LRRC75A: variants seen among roughly 807,000 people sequenced by gnomAD.
LRRC75A encodes leucine rich repeat containing 75A.
Under a neutral mutation model 26.0 loss-of-function variants are expected in LRRC75A, and 12 were observed. The observed-to-expected ratio is 0.46, with a 90% CI of 0.30 to 0.75. The LOEUF (loss-of-function observed/expected upper bound fraction) is 0.75. LRRC75A is among the 30% of genes least tolerant of loss of function. LRRC75A has a pLI of 0.08. For missense variants in LRRC75A, 410 were observed against 486.6 expected (o/e 0.84, Z 1.48); for synonymous variants, 223 against 219.3 (o/e 1.02, Z -0.15).
intron 2 of LRRC75A, among the ~76,000 whole-genome samples, chr17:16,457,559 T>A (rs2093694904): frequency 6.6e-6 from 1 of 152,244 alleles, no homozygotes; most frequent in African/African-American, 2.4e-5. Context: ...TCCTGGCATC[T>A]GTGCCCCTGT....
chr17:16,479,406 A>G (rs535931149), intron 1 of LRRC75A, among the ~76,000 whole-genome samples: 27 of 152,334 alleles, frequency 1.8e-4, no homozygotes, highest in African/African-American at 6.3e-4. Flanking sequence ...CTGATACTCT[A>G]AACTTCTGTG....
At chr17:16,467,222 T>C (rs2143264807) in intron 1 of LRRC75A, among the ~76,000 whole-genome samples, 1 of 152,346 alleles carries the variant, frequency 6.6e-6, no homozygotes, top group African/African-American at 2.4e-5. Context: ...GGTGCGATCA[T>C]AGCTCGCTGC....
chr17:16,467,299 G>C (rs1019252303), intron 1 of LRRC75A, among the ~76,000 whole-genome samples: 1 of 152,190 alleles, frequency 6.6e-6, no homozygotes, highest in Non-Finnish European at 1.5e-5. Context: ...GACTACAAGC[G>C]TGAGGCACTG....
intron 1 of LRRC75A, among the ~76,000 whole-genome samples, chr17:16,466,227 T>C (rs550172940): frequency 6.6e-6 from 1 of 152,066 alleles, no homozygotes; most frequent in East Asian, 1.9e-4. Context: ...GGGCTGGGTG[T>C]GAGGGAGGAG....
chr17:16,461,345 A>T (rs985159552), intron 2 of LRRC75A: 2 of 152,276 alleles, frequency 1.3e-5, no homozygotes, highest in Admixed American at 1.3e-4. Context: ...CCTGACTGCC[A>T]GTGGGGAAGC....
At chr17:16,487,727 C>T (rs539550447) in intron 1 of LRRC75A, among the ~76,000 whole-genome samples, 1 of 152,326 alleles carries the variant, frequency 6.6e-6, no homozygotes, top group South Asian at 2.1e-4. Context: ...GAGCATTTCG[C>T]CTGGCCTCAG....
At position 16,480,396 on chromosome 17, in the gene LRRC75A, G is replaced by A. The variant is rs534638288; in HGVS notation, c.246+11349C>T. 3.1e-3 allele frequency among the ~76,000 whole-genome samples: 476 copies of A among 152,208 alleles called. 1 individual carries two copies. Among genetic ancestry groups the A allele is most frequent in the African/African-American group, 0.011 (447 of 41,526 alleles). On this transcript the variant is annotated intron_variant, in intron 1 of 3. Transcript: ENST00000470794. Reference sequence around the variant, plus strand: ...TGTAATCCTAGCACTTTGGGAGGCCGAGGTGGGCGGAATGCCTGAGCTCAG... The same window carrying A: ...TGTAATCCTAGCACTTTGGGAGGCCAAGGTGGGCGGAATGCCTGAGCTCAG...
chr17:16,449,611 TTTTAA>T (rs1180283162), intron 2 of LRRC75A, among the ~76,000 whole-genome samples: 8 of 152,050 alleles, frequency 5.3e-5, no homozygotes, highest in South Asian at 2.1e-4. Context: ...CTCAGCTTTA[TTTTAA>T]TTTAATTTAA....
rs1357573143 is a variant in LRRC75A at position 16,443,585 on chromosome 17, A to G, written c.*3T>C. 3 of 1,511,658 alleles carry G rather than the reference A, an allele frequency of 2.0e-6. No individual in the cohort carries two copies. Among genetic ancestry groups the G allele is most frequent in the South Asian group, 1.2e-5 (1 of 80,996 alleles). The allele number at this position is 1,511,658 out of a possible 1,614,324, so 93.6% of individuals were successfully genotyped here. A position where few individuals can be genotyped will look rare whatever the true frequency, so the allele number is the denominator to read the frequency against. On this transcript the variant is annotated 3_prime_UTR_variant, in exon 4 of 4. Transcript: ENST00000470794. ...CTCCCTGGTGAGGCCCTTCACTTCC[A>G]TGTCACGTCTGAGCTGCAGCTACAG... is the stretch of plus-strand genomic sequence containing the variant.
rs1037703523 is a variant in LRRC75A, at chr17:16,441,728, A to AT, written c.*1859dup. The stretch of plus-strand genomic sequence containing the variant: ...ACAGCTCACAGCACACCTGGCTAAA[A>AT]TTTTTTTTTTGTTGAGACGGATTCT... On this transcript the variant is annotated 3_prime_UTR_variant, in exon 4 of 4. Transcript: ENST00000470794. The AT allele has an allele frequency of 8.9e-3, 1,871 of 211,334 alleles. 1 individual carries two copies. The highest frequency in any genetic ancestry group is 0.021 in the South Asian group (370 of 17,440). The allele number at this position is 211,334 out of a possible 1,614,324, so 13.1% of individuals were successfully genotyped here.
intron 1 of LRRC75A, among the ~76,000 whole-genome samples, chr17:16,476,968 G>C (rs1401541937): frequency 1.3e-5 from 2 of 151,090 alleles, no homozygotes; most frequent in African/African-American, 2.4e-5. Context: ...TCAATCTCCT[G>C]ACCTTGTGAT....
rs1398887053 is a variant in LRRC75A at position 16,491,860 on chromosome 17, G to A, written c.131C>T (p.Ala44Val). The A allele has an allele frequency of 1.4e-6, 2 of 1,390,642 alleles. No homozygotes were observed. Among genetic ancestry groups the A allele is most frequent in the South Asian group, 1.5e-5 (1 of 66,846 alleles). 86.1% of individuals were successfully genotyped at this position (1,390,642 alleles called of 1,614,324 possible). A position where few individuals can be genotyped will look rare whatever the true frequency, so the allele number is the denominator to read the frequency against. The change falls in exon 1 of 4, where the codon GCG becomes GTG. Residue 44 changes from alanine to valine, a missense_variant. Coordinates refer to ENST00000470794, the MANE Select transcript of LRRC75A (RefSeq NM_001113567.3). This position sits in a 1 kb window ranked among gnomAD's most constrained non-coding sequence, Gnocchi z 5.9. ...LLRAGDKAGR[A>V]GAGMPPYHRR... ...GTGGTAGGGGGGCATCCCCGCGCCC[G>A]CGCGCCCCGCCTTGTCCCCGGCGCG...
intron 2 of LRRC75A, among the ~76,000 whole-genome samples, chr17:16,452,737 C>A (rs35377488): frequency 0.22 from 33,910 of 151,828 alleles, 4,055 homozygotes; most frequent in Middle Eastern, 0.31. Context: ...CCTGGCCACA[C>A]GGGGATTTTT....
intron 3 of LRRC75A, among the ~76,000 whole-genome samples, chr17:16,447,461 C>G (rs1024578552): frequency 1.3e-5 from 2 of 152,110 alleles, no homozygotes; most frequent in African/African-American, 4.8e-5. Context: ...TGCACCACCA[C>G]GCCTGGCTAA....
chr17:16,451,768 G>A (rs1299407423), intron 2 of LRRC75A, among the ~76,000 whole-genome samples: 3 of 150,238 alleles, frequency 2.0e-5, no homozygotes, highest in African/African-American at 4.9e-5. Flanking sequence ...TTTTTGAGAC[G>A]GAGTATCGCT....
Position 16,441,938 on chromosome 17 carries a change from A to T in LRRC75A, c.*1650T>A, listed in dbSNP as rs2093530217. The T allele has an allele frequency of 6.5e-6, 1 of 153,062 alleles. No homozygotes were observed. The highest frequency in any genetic ancestry group is 2.1e-4 in the South Asian group (1 of 4,868). 9.5% of individuals were successfully genotyped at this position (153,062 alleles called of 1,614,324 possible). A position where few individuals can be genotyped will look rare whatever the true frequency, so the allele number is the denominator to read the frequency against. ...GGTGGGCAAAGTTCTTTAAGCTGGA[A>T]ATTGTAAATTCCTCCTGAAATGTTT... On this transcript the variant is annotated 3_prime_UTR_variant, in exon 4 of 4. Coordinates refer to ENST00000470794, the MANE Select transcript of LRRC75A (RefSeq NM_001113567.3).
At chr17:16,452,513 C>T (rs2093641238) in intron 2 of LRRC75A, among the ~76,000 whole-genome samples, 1 of 151,886 alleles carries the variant, frequency 6.6e-6, no homozygotes, top group Non-Finnish European at 1.5e-5. Flanking sequence ...TCTTGGCTCA[C>T]TGCAACCTCC....
Position 16,492,122 on chromosome 17 carries a change from T to A in LRRC75A, c.-132A>T. On this transcript the variant is annotated 5_prime_UTR_variant, in exon 1 of 4. Coordinates refer to ENST00000470794, the MANE Select transcript of LRRC75A (RefSeq NM_001113567.3). ...TTGGGGGAACTGTTGCGCGCGGGCGTCGCGGGGGCGGGCGGGCGGGCGGCT... is the reference window on the plus strand; with the variant it reads ...TTGGGGGAACTGTTGCGCGCGGGCGACGCGGGGGCGGGCGGGCGGGCGGCT... 1 of 759,008 alleles carries A rather than the reference T, an allele frequency of 1.3e-6. No homozygotes were observed. The highest frequency in any genetic ancestry group is 1.6e-6 in the Non-Finnish European group (1 of 621,370). The allele number at this position is 759,008 out of a possible 1,614,324, so 47.0% of individuals were successfully genotyped here. A position where few individuals can be genotyped will look rare whatever the true frequency, so the allele number is the denominator to read the frequency against.
chr17:16,476,489 G>C (rs1439572162), intron 1 of LRRC75A, among the ~76,000 whole-genome samples: 1 of 152,076 alleles, frequency 6.6e-6, no homozygotes, highest in African/African-American at 2.4e-5. Context: ...TGAGATTACA[G>C]GAGTGAGCCA....
Sources: allele counts gnomAD v4.1 joint callset (sites outside exome capture counted in the v4.1 genomes callset), GRCh38; gene constraint gnomAD v4.1.1; non-coding constraint Gnocchi (gnomAD v3.1); transcripts MANE v1.5; gene names NCBI Gene and HGNC (gene_info 2026-07-23, HGNC 2026-07-21).